The following DENND4C variants were observed in gnomAD, a reference collection of about 807,000 sequenced individuals.
The protein encoded by DENND4C is DENN domain-containing protein 4C.
In DENND4C, 108 loss-of-function variants were observed where a neutral mutation model predicts 203.0. The observed-to-expected ratio is 0.53, with a 90% CI of 0.46 to 0.62. The LOEUF (loss-of-function observed/expected upper bound fraction) is 0.62. DENND4C is among the 20% of genes least tolerant of loss of function. The pLI, the probability that DENND4C is intolerant of heterozygous loss-of-function variation, is 0.00. For synonymous variants in DENND4C, 871 were observed against 792.4 expected, an observed-to-expected ratio of 1.10 and a Z score of -1.67; for missense variants, 2,481 against 2,301.2, an observed-to-expected ratio of 1.08 and a Z score of -1.60.
chr9:19,268,267 T>A (rs796182977), intron 1 of DENND4C, among the ~76,000 whole-genome samples: 8 of 152,128 alleles, frequency 5.3e-5, no homozygotes, highest in African/African-American at 1.4e-4. Flanking sequence ...ACCTGGCGAA[T>A]TTTTGTATTT....
chr9:19,232,885 C>T (rs1820932936), intron 1 of DENND4C, among the ~76,000 whole-genome samples: 3 of 152,076 alleles, frequency 2.0e-5, no homozygotes, highest in Non-Finnish European at 4.4e-5. Context: ...TTTCTTTGCT[C>T]TTTGTGTATC....
chr9:19,370,395 A>G (rs1828578799), intron 31 of DENND4C, among the ~76,000 whole-genome samples: 1 of 152,114 alleles, frequency 6.6e-6, no homozygotes, highest in Admixed American at 6.5e-5. Flanking sequence ...TCCAGGTTAC[A>G]GTCAGCTGTG....
chr9:19,317,558 A>T (rs1183634170), intron 12 of DENND4C, among the ~76,000 whole-genome samples: 1 of 151,956 alleles, frequency 6.6e-6, no homozygotes, highest in Non-Finnish European at 1.5e-5. Context: ...TGTGCTTTTT[A>T]CCTAGTGATT....
At chr9:19,249,775 A>G (rs1826115381) in intron 1 of DENND4C, among the ~76,000 whole-genome samples, 1 of 152,142 alleles carries the variant, frequency 6.6e-6, no homozygotes, top group South Asian at 2.1e-4. Flanking sequence ...CTCTTGCCTC[A>G]GCCTCCTGTG....
intron 15 of DENND4C, among the ~76,000 whole-genome samples, chr9:19,326,445 G>T (rs113735592): frequency 8.0e-4 from 122 of 152,150 alleles, no homozygotes; most frequent in African/African-American, 2.9e-3. Context: ...TTCTGAAGAA[G>T]AAAAATGATA....
intron 22 of DENND4C, among the ~76,000 whole-genome samples, chr9:19,345,350 T>G (rs540704355): frequency 9.2e-5 from 14 of 152,238 alleles, no homozygotes; most frequent in Non-Finnish European, 1.8e-4. Context: ...GCACCTCATA[T>G]AGTGGCTACT....
intron 1 of DENND4C, among the ~76,000 whole-genome samples, chr9:19,256,499 A>G (rs931875028): frequency 6.6e-6 from 1 of 151,468 alleles, no homozygotes; most frequent in African/African-American, 2.4e-5. Flanking sequence ...TACTTTTAGA[A>G]GAGAGAGGTT....
chr9:19,333,224 C>T (rs977725025), intron 17 of DENND4C, among the ~76,000 whole-genome samples: 1 of 151,428 alleles, frequency 6.6e-6, no homozygotes, highest in African/African-American at 2.4e-5. Flanking sequence ...GATATGTTAC[C>T]TGGGCTGGTC....
intron 2 of DENND4C, among the ~76,000 whole-genome samples, chr9:19,280,245 T>G: frequency 6.6e-6 from 1 of 151,924 alleles, no homozygotes; most frequent in African/African-American, 2.4e-5. Context: ...CACCTCGGGT[T>G]CAAGCAATTC....
rs755147579 is a variant in DENND4C at position 19,346,650 on chromosome 9, C to T, written c.3881C>T (p.Pro1294Leu). ...EIESYMNLKS[P>L]LGSKSSSMEL... ...GAAAGCTATATGAACCTAAAAAGTC[C>T]CCTAGGTAGTAAATCTTCTAGTATG... The change falls in exon 23 of 33, where the codon CCC (proline) becomes CTC (leucine). Residue 1294 changes from proline (P) to leucine (L), a missense_variant. Pro to Leu is a moderately conservative substitution (Grantham distance 98). Around this residue, in one of 3 missense-constraint regions of DENND4C, gnomAD observed 2,289 missense variants for 2,113.3 expected, o/e 1.08. Transcript: ENST00000434457. 1.2e-6 allele frequency: 2 copies of T among 1,614,008 alleles called. No homozygotes were observed. The highest frequency in any genetic ancestry group is 2.2e-5 in the South Asian group (2 of 91,078).
chr9:19,345,844 C>G lies in DENND4C; in HGVS notation c.3152-77C>G. ...TCTGAGTATATGTCACATTCATAAT[C>G]AGGAAAACAATAAATATTTTAATAA... On this transcript the variant is annotated intron_variant, in intron 22 of 32. Transcript: ENST00000434457. 2.3e-6 allele frequency: 3 copies of G among 1,297,306 alleles called. No individual in the cohort carries two copies. In the South Asian group the frequency reaches 4.5e-5, roughly 19 times the overall value. 80.4% of individuals were successfully genotyped at this position (1,297,306 alleles called of 1,614,324 possible).
Position 19,356,706 on chromosome 9 carries a change from T to C in DENND4C, c.4782-266T>C, listed in dbSNP as rs1368130134. ...TTCTCAAAAATTGGAATATCATTTATTGGACCATTTCCAACCTTGTATTTG... is the reference window on the plus strand; with the variant it reads ...TTCTCAAAAATTGGAATATCATTTACTGGACCATTTCCAACCTTGTATTTG... On this transcript the variant is annotated intron_variant, in intron 26 of 32. Coordinates refer to ENST00000434457, the MANE Select transcript of DENND4C (RefSeq NM_001330640.2). Among the ~76,000 whole-genome samples the C allele has an allele frequency of 2.6e-5, 4 of 151,870 alleles. No homozygotes were observed. In the South Asian group the frequency reaches 6.2e-4, roughly 24 times the overall value.
chr9:19,245,328 A>G (rs1824891850), intron 1 of DENND4C, among the ~76,000 whole-genome samples: 1 of 151,832 alleles, frequency 6.6e-6, no homozygotes, highest in African/African-American at 2.4e-5. Context: ...TTAGCTGGGC[A>G]TGGTGGGAGG....
chr9:19,336,940 A>T, intron 20 of DENND4C, 108 bp downstream of exon 20: 1 of 1,055,870 alleles, frequency 9.5e-7, no homozygotes. Context: ...ACTACTTTAA[A>T]AGTACTGTAT....
chr9:19,345,995 A>G lies in DENND4C; in HGVS notation c.3226A>G (p.Lys1076Glu). 1 of 1,613,632 alleles carries G rather than the reference A, an allele frequency of 6.2e-7. No individual in the cohort carries two copies. The highest frequency in any genetic ancestry group is 8.5e-7 in the Non-Finnish European group (1 of 1,179,590). Reference protein sequence around the residue: ...DAVFGEATNLKKNGDRGEKRQ... With the variant: ...DAVFGEATNLEKNGDRGEKRQ... ...AGTCTTTGGCGAAGCTACTAATCTC[A>G]AGAAGAATGGTGATAGAGGAGAAAA... The change falls in exon 23 of 33, where the codon AAG (lysine) becomes GAG (glutamate). Residue 1076 changes from lysine (K) to glutamate (E), a missense_variant. Physicochemically the swap from Lys to Glu is moderately conservative, Grantham distance 56 (BLOSUM62 1). Transcript: ENST00000434457.
intron 1 of DENND4C, among the ~76,000 whole-genome samples, chr9:19,242,488 A>G (rs966483045): frequency 6.6e-6 from 1 of 152,180 alleles, no homozygotes; most frequent in African/African-American, 2.4e-5. Context: ...TTAGCTTTGT[A>G]AGAAACTGCC....
At chr9:19,262,810 C>A (rs941635355) in intron 1 of DENND4C, among the ~76,000 whole-genome samples, 4 of 152,132 alleles carry the variant, frequency 2.6e-5, no homozygotes, top group South Asian at 2.1e-4. Flanking sequence ...CTCAAGTGAT[C>A]CACCTGCCTT....
chr9:19,348,193 T>C lies in DENND4C; in HGVS notation c.4317+1107T>C, dbSNP rs1823325685. 2.0e-5 allele frequency among the ~76,000 whole-genome samples: 3 copies of C among 152,230 alleles called. No individual in the cohort carries two copies. The South Asian group carries it at 6.2e-4, about 31-fold the overall frequency. On this transcript the variant is annotated intron_variant, in intron 23 of 32. Coordinates refer to ENST00000434457, the MANE Select transcript of DENND4C (RefSeq NM_001330640.2). ...CCCCATGAGGGTGGTACTGTTGTTATCCTGATTTTGTAGATGATATTTGAA... is the reference window on the plus strand; with the variant it reads ...CCCCATGAGGGTGGTACTGTTGTTACCCTGATTTTGTAGATGATATTTGAA...
intron 10 of DENND4C, among the ~76,000 whole-genome samples, chr9:19,313,174 T>C (rs1374253817): frequency 6.6e-6 from 1 of 152,212 alleles, no homozygotes; most frequent in Admixed American, 6.5e-5. Flanking sequence ...TCCTCTTAAT[T>C]TTTTAATATG....
Sources: allele counts gnomAD v4.1 joint callset (sites outside exome capture counted in the v4.1 genomes callset), GRCh38; gene constraint gnomAD v4.1.1; regional missense constraint gnomAD v4.1.1; transcripts MANE v1.5; gene names NCBI Gene and HGNC (gene_info 2026-07-23, HGNC 2026-07-21).